SGPP2: variants seen among roughly 807,000 people sequenced by gnomAD.
SGPP2 encodes sphingosine-1-phosphate phosphatase 2.
In SGPP2, 30 loss-of-function variants were observed where a neutral mutation model predicts 33.9. The ratio of observed to expected loss-of-function variants is 0.89; its 90% CI spans 0.66 to 1.20. The LOEUF (loss-of-function observed/expected upper bound fraction) is 1.20, where lower values mean the gene tolerates loss of function less well. Among genes scored for constraint, SGPP2 ranks in the 50% most tolerant of loss-of-function variants. The pLI is 0.00. For missense variants in SGPP2, 458 were observed against 532.1 expected, an observed-to-expected ratio of 0.86 and a Z score of 1.37; for synonymous variants, 233 against 225.0, an observed-to-expected ratio of 1.04 and a Z score of -0.32.
At chr2:222,497,828 G>C (rs1294254010) in intron 2 of SGPP2, among the ~76,000 whole-genome samples, 1 of 152,218 alleles carries the variant, frequency 6.6e-6, no homozygotes, top group African/African-American at 2.4e-5. Context: ...TGAGGGAAGA[G>C]CAGAAACCTA....
intron 2 of SGPP2, among the ~76,000 whole-genome samples, chr2:222,515,934 G>A (rs998088150): frequency 2.0e-5 from 3 of 152,160 alleles, no homozygotes; most frequent in Non-Finnish European, 4.4e-5. Flanking sequence ...TGTAGTCCCA[G>A]CTATTTGGGA....
chr2:222,527,043 C>T (rs751629474), intron 4 of SGPP2, among the ~76,000 whole-genome samples: 8 of 152,064 alleles, frequency 5.3e-5, no homozygotes, highest in East Asian at 3.8e-4. Context: ...AAAGTAAGCA[C>T]GAGCATGTAG....
intron 2 of SGPP2, among the ~76,000 whole-genome samples, chr2:222,503,262 G>A (rs1865894): frequency 0.045 from 6,884 of 152,204 alleles, 534 homozygotes; most frequent in African/African-American, 0.16. Context: ...AAAGTCCTTC[G>A]GTTGTAGCTA....
intron 1 of SGPP2, among the ~76,000 whole-genome samples, chr2:222,431,360 GC>G (rs752291718): frequency 6.6e-6 from 1 of 151,938 alleles, no homozygotes; most frequent in Non-Finnish European, 1.5e-5. Context: ...ATGAAAATTA[GC>G]CAGGTGTGGT....
At chr2:222,518,647 A>G (rs879552281) in intron 2 of SGPP2, among the ~76,000 whole-genome samples, 4 of 152,202 alleles carry the variant, frequency 2.6e-5, no homozygotes, top group Non-Finnish European at 5.9e-5. Flanking sequence ...GGTTCACAGG[A>G]GGGAGGCAGA....
At chr2:222,501,670 C>CATTTTCTCTT (rs1320943578) in intron 2 of SGPP2, among the ~76,000 whole-genome samples, 18 of 152,230 alleles carry the variant, frequency 1.2e-4, no homozygotes, top group South Asian at 2.1e-4. Flanking sequence ...GAGTGAGGTG[C>CATTTTCTCTT]GTTCACATTT....
chr2:222,430,645 C>A (rs1697140262), intron 1 of SGPP2, among the ~76,000 whole-genome samples: 1 of 152,074 alleles, frequency 6.6e-6, no homozygotes, highest in South Asian at 2.1e-4. Context: ...ATGGGCTGCA[C>A]ATAGTGACTT....
At chr2:222,479,399 CTTTTTTTTT>C (rs568165167) in intron 2 of SGPP2, among the ~76,000 whole-genome samples, 1 of 114,896 alleles carries the variant, frequency 8.7e-6, no homozygotes, top group Admixed American at 9.4e-5. Context: ...ATCTACCCTT[CTTTTTTTTT>C]TTTTTTTTTT....
chr2:222,508,969 C>A lies in SGPP2; in HGVS notation c.379-12798C>A, dbSNP rs183616418. On this transcript the variant is annotated intron_variant, in intron 2 of 4. Coordinates refer to ENST00000321276, the MANE Select transcript of SGPP2 (RefSeq NM_152386.4). ...CTGAATTTAAAAAATAAAAATAATG[C>A]CAGAAGTATGAGTGGCTATTCACCA... Among the ~76,000 whole-genome samples the A allele has an allele frequency of 1.6e-3, 243 of 152,112 alleles. 1 individual carries two copies. The highest frequency in any genetic ancestry group is 5.7e-3 in the African/African-American group (236 of 41,500).
At chr2:222,458,035 CTT>C (rs1030955556) in intron 1 of SGPP2, among the ~76,000 whole-genome samples, 5 of 151,944 alleles carry the variant, frequency 3.3e-5, no homozygotes, top group African/African-American at 7.3e-5. Context: ...TTAAGTGTCT[CTT>C]TGTGTTTTTT....
chr2:222,502,048 C>G (rs1049148530), intron 2 of SGPP2, among the ~76,000 whole-genome samples: 2 of 152,192 alleles, frequency 1.3e-5, no homozygotes, highest in Non-Finnish European at 2.9e-5. Flanking sequence ...GCCACCCTCA[C>G]AAATTTTCCC....
intron 2 of SGPP2, among the ~76,000 whole-genome samples, chr2:222,520,405 G>A (rs1159049423): frequency 1.3e-5 from 2 of 152,012 alleles, no homozygotes; most frequent in Non-Finnish European, 2.9e-5. Context: ...ATATGTCTTC[G>A]TTAATGACCT....
intron 2 of SGPP2, among the ~76,000 whole-genome samples, chr2:222,513,198 G>A (rs1698556576): frequency 6.6e-6 from 1 of 152,124 alleles, no homozygotes; most frequent in Non-Finnish European, 1.5e-5. Context: ...TTTCATTGTT[G>A]TTTTAAGTTG....
At chr2:222,551,087 C>A (rs1689285860) in intron 4 of SGPP2, among the ~76,000 whole-genome samples, 1 of 152,138 alleles carries the variant, frequency 6.6e-6, no homozygotes, top group Non-Finnish European at 1.5e-5. Context: ...TCATGTCTTT[C>A]CCTTATCATG....
chr2:222,544,016 G>A (rs1479026659), intron 4 of SGPP2, among the ~76,000 whole-genome samples: 1 of 152,092 alleles, frequency 6.6e-6, no homozygotes, highest in Admixed American at 6.5e-5. Context: ...GTTGTTTTCT[G>A]TATAGAGGTC....
intron 2 of SGPP2, among the ~76,000 whole-genome samples, chr2:222,501,545 TC>T (rs967004987): frequency 1.3e-5 from 2 of 152,108 alleles, no homozygotes; most frequent in Non-Finnish European, 2.9e-5. Flanking sequence ...AATTAGGTGT[TC>T]GATGTTAATG....
chr2:222,481,745 G>A (rs1296663799), intron 2 of SGPP2, among the ~76,000 whole-genome samples: 1 of 152,088 alleles, frequency 6.6e-6, no homozygotes, highest in Non-Finnish European at 1.5e-5. Context: ...GCTTACTGTG[G>A]GGGGTGACCA....
intron 2 of SGPP2, chr2:222,504,151 C>T (rs1402998770): frequency 6.6e-6 from 1 of 152,210 alleles, no homozygotes; most frequent in East Asian, 1.9e-4. Context: ...ATTCTCAACA[C>T]ACTTTCCACA....
intron 4 of SGPP2, among the ~76,000 whole-genome samples, chr2:222,527,393 C>T (rs1362895747): frequency 6.6e-6 from 1 of 152,226 alleles, no homozygotes; most frequent in Non-Finnish European, 1.5e-5. Context: ...CTATGTTCAT[C>T]CATTCATCTG....
Sources: allele counts gnomAD v4.1 joint callset (sites outside exome capture counted in the v4.1 genomes callset), GRCh38; gene constraint gnomAD v4.1.1; transcripts MANE v1.5; gene names NCBI Gene and HGNC (gene_info 2026-07-23, HGNC 2026-07-21).